SOX5: variants seen among roughly 807,000 people sequenced by gnomAD.
The protein encoded by SOX5 is transcription factor SOX-5.
Under a neutral mutation model 92.0 loss-of-function variants are expected in SOX5, and 9 were observed. That is an observed-to-expected ratio of 0.10 (90% CI 0.06 to 0.17). The LOEUF is 0.17. Among genes scored for constraint, SOX5 ranks in the 10% least tolerant of loss-of-function variants. SOX5 has a pLI of 1.00. For missense variants in SOX5, 642 were observed against 944.5 expected (o/e 0.68, Z 4.20); for synonymous variants, 344 against 336.3 (o/e 1.02, Z -0.25).
intron 2 of SOX5, among the ~76,000 whole-genome samples, chr12:24,302,694 A>C (rs1229231765): frequency 6.6e-6 from 1 of 152,200 alleles, no homozygotes; most frequent in Non-Finnish European, 1.5e-5. Context: ...GCCCACAGCA[A>C]ATGATAGAGA....
At chr12:23,934,226 T>C (rs1942037470) in intron 1 of SOX5, among the ~76,000 whole-genome samples, 1 of 151,390 alleles carries the variant, frequency 6.6e-6, no homozygotes, top group Non-Finnish European at 1.5e-5. Context: ...AGTGAGCTTC[T>C]TTCCATTAGA....
chr12:23,795,919 T>C (rs1434201473), intron 3 of SOX5, among the ~76,000 whole-genome samples: 1 of 152,170 alleles, frequency 6.6e-6, no homozygotes, highest in Admixed American at 6.6e-5. Context: ...CTGAATAGTA[T>C]TTAACTAATA....
chr12:24,313,536 A>T (rs1008303189), intron 2 of SOX5, among the ~76,000 whole-genome samples: 2 of 152,134 alleles, frequency 1.3e-5, no homozygotes, highest in Admixed American at 1.3e-4. Flanking sequence ...TCCAAAAAAA[A>T]TACAAAAAAA....
chr12:24,091,810 T>C (rs1399871198), intron 4 of SOX5, among the ~76,000 whole-genome samples: 1 of 152,086 alleles, frequency 6.6e-6, no homozygotes, highest in Non-Finnish European at 1.5e-5. Context: ...CATCTAGCCA[T>C]TTCTATTTTC....
intron 4 of SOX5, among the ~76,000 whole-genome samples, chr12:24,031,815 G>A (rs2136866599): frequency 6.6e-6 from 1 of 151,830 alleles, no homozygotes; most frequent in Non-Finnish European, 1.5e-5. Flanking sequence ...AATGTGCGGA[G>A]AATGGCAAGA....
intron 2 of SOX5, among the ~76,000 whole-genome samples, chr12:24,314,980 C>A (rs541644): frequency 0.61 from 93,373 of 152,094 alleles, 30,768 homozygotes; most frequent in South Asian, 0.78. Flanking sequence ...ACAGTTCCAG[C>A]TATATAATAA....
chr12:24,446,285 C>G (rs1050734409), intron 1 of SOX5, among the ~76,000 whole-genome samples: 10 of 150,740 alleles, frequency 6.6e-5, no homozygotes, highest in Non-Finnish European at 1.5e-4. Context: ...GAGACTGAGA[C>G]TACCCTAGAT....
At chr12:23,929,574 C>G (rs76713477) in intron 1 of SOX5, among the ~76,000 whole-genome samples, 2,842 of 151,618 alleles carry the variant, frequency 0.019, 90 homozygotes, top group African/African-American at 0.065. Context: ...TTATTTAATC[C>G]CACTGTGAAA....
intron 1 of SOX5, among the ~76,000 whole-genome samples, chr12:24,429,347 A>G (rs1328210624): frequency 6.6e-6 from 1 of 151,874 alleles, no homozygotes; most frequent in East Asian, 1.9e-4. Flanking sequence ...AAACAAAAAC[A>G]AAACAACAAC....
At chr12:23,929,456 C>T (rs1280391786) in intron 1 of SOX5, among the ~76,000 whole-genome samples, 1 of 151,814 alleles carries the variant, frequency 6.6e-6, no homozygotes, top group Non-Finnish European at 1.5e-5. Context: ...TCAGGGGTCT[C>T]CTAAGTATGA....
chr12:23,836,424 T>G (rs537492705), intron 3 of SOX5, among the ~76,000 whole-genome samples: 2 of 152,070 alleles, frequency 1.3e-5, no homozygotes, highest in East Asian at 3.9e-4. Context: ...GCCAAATATA[T>G]CAATATATTA....
intron 4 of SOX5, among the ~76,000 whole-genome samples, chr12:24,200,791 T>G (rs904764638): frequency 6.6e-6 from 1 of 152,226 alleles, no homozygotes; most frequent in Non-Finnish European, 1.5e-5. Context: ...AAAGACATTT[T>G]CCTTCCACAC....
At chr12:24,127,078 G>A (rs944681531) in intron 4 of SOX5, among the ~76,000 whole-genome samples, 1 of 151,812 alleles carries the variant, frequency 6.6e-6, no homozygotes, top group Non-Finnish European at 1.5e-5. Flanking sequence ...ACTTCCAAAT[G>A]AAGACCAGAT....
chr12:23,627,947 G>A (rs1046995767), intron 8 of SOX5, among the ~76,000 whole-genome samples: 5 of 151,834 alleles, frequency 3.3e-5, no homozygotes, highest in Middle Eastern at 3.4e-3. Flanking sequence ...ACAAAAACTT[G>A]ATATTTTATG....
chr12:24,058,323 AT>A (rs1958329772), intron 4 of SOX5, among the ~76,000 whole-genome samples: 1 of 152,220 alleles, frequency 6.6e-6, no homozygotes, highest in South Asian at 2.1e-4. Flanking sequence ...TAAAAAAAAA[AT>A]TCTCTTTCAC....
intron 3 of SOX5, among the ~76,000 whole-genome samples, chr12:24,244,898 T>C (rs751272124): frequency 6.6e-6 from 1 of 152,046 alleles, no homozygotes; most frequent in African/African-American, 2.4e-5. Flanking sequence ...ATTCTGTTGG[T>C]CAGGCTAGTC....
chr12:24,406,124 T>A (rs932624575), intron 1 of SOX5, among the ~76,000 whole-genome samples: 2 of 152,180 alleles, frequency 1.3e-5, no homozygotes, highest in South Asian at 2.1e-4. Context: ...CTCCCGCCCA[T>A]GAAGGTTCAT....
At chr12:24,265,284 C>T (rs868202555) in intron 3 of SOX5, among the ~76,000 whole-genome samples, 1 of 152,090 alleles carries the variant, frequency 6.6e-6, no homozygotes, top group African/African-American at 2.4e-5. Context: ...TGGTGGCTCA[C>T]GCCCGTAATC....
At chr12:23,858,630 A>C (rs1319224371) in intron 2 of SOX5, among the ~76,000 whole-genome samples, 1 of 152,144 alleles carries the variant, frequency 6.6e-6, no homozygotes, top group Non-Finnish European at 1.5e-5. Context: ...TGTGGTAAGT[A>C]GTATGGTGAC....
Sources: gnomAD v4.1 joint callset for allele counts (sites outside exome capture counted in the v4.1 genomes callset) on GRCh38, gnomAD v4.1.1 for gene constraint, MANE v1.5 for transcripts, NCBI Gene and HGNC (gene_info 2026-07-23, HGNC 2026-07-21) for gene names.